The following CAMSAP1 variants were observed in gnomAD, a reference collection of about 807,000 sequenced individuals.
CAMSAP1 encodes the protein calmodulin regulated spectrin associated protein 1, also known as calmodulin-regulated spectrin-associated protein 1.
A neutral mutation model predicts 143.5 loss-of-function variants in CAMSAP1; 58 were observed. That is an observed-to-expected ratio of 0.40 (90% CI 0.33 to 0.50). The LOEUF (loss-of-function observed/expected upper bound fraction) is 0.50. Ranked by LOEUF, CAMSAP1 falls within the 20% of genes least tolerant of loss-of-function variation. The pLI, the probability that CAMSAP1 is intolerant of heterozygous loss-of-function variation, is 0.45. For missense variants in CAMSAP1, 1,969 were observed against 2,115.7 expected, an observed-to-expected ratio of 0.93 and a Z score of 1.36; for synonymous variants, 945 against 859.3, an observed-to-expected ratio of 1.10 and a Z score of -1.74.
chr9:135,902,316 T>G (rs942198166), intron 1 of CAMSAP1, among the ~76,000 whole-genome samples: 1 of 152,246 alleles, frequency 6.6e-6, no homozygotes, highest in African/African-American at 2.4e-5. Context: ...TTCAGAAATG[T>G]GGCAATGTGC....
chr9:135,865,394 G>A lies in CAMSAP1; in HGVS notation c.666+1062C>T, dbSNP rs1227126632. 15 of 1,550,270 alleles carry A rather than the reference G, an allele frequency of 9.7e-6. No homozygotes were observed. In the South Asian group the frequency reaches 1.1e-4, roughly 11 times the overall value. On this transcript the variant is annotated intron_variant, in intron 4 of 16. Transcript: ENST00000389532. ...TCAGGAAGCGAGAGAAGGAAGGCAG[G>A]AGAGGAGCATCAGCAGAGCAGGTCC...
intron 1 of CAMSAP1, among the ~76,000 whole-genome samples, chr9:135,886,036 C>T (rs932751634): frequency 1.3e-5 from 2 of 150,026 alleles, no homozygotes; most frequent in African/African-American, 2.5e-5. Flanking sequence ...GAACGTTTAA[C>T]GTTCTATCAA....
chr9:135,814,947 C>G, intron 16 of CAMSAP1, 150 bp downstream of exon 16: 1 of 636,488 alleles, frequency 1.6e-6, no homozygotes, highest in South Asian at 2.0e-5. Flanking sequence ...TCACTCCCAC[C>G]TGCCTGGAAC....
intron 3 of CAMSAP1, among the ~76,000 whole-genome samples, chr9:135,875,584 A>C (rs764550332): frequency 1.2e-4 from 18 of 152,236 alleles, no homozygotes; most frequent in Non-Finnish European, 8.8e-5. Flanking sequence ...TATTCCTATA[A>C]ACCAGACACA....
intron 11 of CAMSAP1, among the ~76,000 whole-genome samples, chr9:135,819,729 C>G (rs1283674266): frequency 6.6e-6 from 1 of 150,818 alleles, no homozygotes; most frequent in East Asian, 1.9e-4. Context: ...CGCCTGTAAT[C>G]CCAGCTACTC....
rs139848081 is a variant in CAMSAP1, at chr9:135,860,322, G to C, written c.808+2145C>G. Among the ~76,000 whole-genome samples, 787 of 152,130 alleles carry C rather than the reference G, an allele frequency of 5.2e-3. 6 individuals carry two copies. Among genetic ancestry groups the C allele is most frequent in the African/African-American group, 0.018 (758 of 41,500 alleles). On this transcript the variant is annotated intron_variant, in intron 5 of 16. Transcript: ENST00000389532. ...ACATAAAAGAAGGTCCCATGGCCAG[G>C]CGCGGTGGCTCACACCTGTAATCCC... is the stretch of plus-strand genomic sequence containing the variant.
intron 1 of CAMSAP1, among the ~76,000 whole-genome samples, chr9:135,897,044 T>TTACTCA (rs1306016761): frequency 6.6e-6 from 1 of 152,132 alleles, no homozygotes; most frequent in Non-Finnish European, 1.5e-5. Context: ...CATTTATAAA[T>TTACTCA]TACTCAAAAG....
chr9:135,876,326 A>G (rs1837746567), intron 3 of CAMSAP1, among the ~76,000 whole-genome samples: 1 of 152,214 alleles, frequency 6.6e-6, no homozygotes, highest in South Asian at 2.1e-4. Context: ...TTCATGATAC[A>G]TACATCTGAC....
chr9:135,897,956 A>G (rs1436205794), intron 1 of CAMSAP1, among the ~76,000 whole-genome samples: 1 of 152,222 alleles, frequency 6.6e-6, no homozygotes, highest in Non-Finnish European at 1.5e-5. Flanking sequence ...GAAATTTTTA[A>G]AAAATACCTA....
chr9:135,816,872 G>A (rs147062476), intron 14 of CAMSAP1, among the ~76,000 whole-genome samples: 5 of 152,304 alleles, frequency 3.3e-5, no homozygotes, highest in African/African-American at 7.2e-5. Flanking sequence ...AAGCCCCTGC[G>A]GGACAGTTCC....
Position 135,854,802 on chromosome 9 carries a change from G to A in CAMSAP1, c.809-4341C>T, listed in dbSNP as rs534466161. ...TTATTTTAGGTTTGGGAGGGTACACGTGAAGCCTTGTTACATAGGTAACCT... is the reference window on the plus strand; with the variant it reads ...TTATTTTAGGTTTGGGAGGGTACACATGAAGCCTTGTTACATAGGTAACCT... On this transcript the variant is annotated intron_variant, in intron 5 of 16. Transcript: ENST00000389532. Among the ~76,000 whole-genome samples the A allele has an allele frequency of 7.2e-5, 11 of 152,238 alleles. 1 individual carries two copies. The South Asian group carries it at 1.9e-3, about 26-fold the overall frequency.
intron 1 of CAMSAP1, among the ~76,000 whole-genome samples, chr9:135,898,526 TAACTC>T (rs1312229026): frequency 6.6e-6 from 1 of 152,050 alleles, no homozygotes; most frequent in Non-Finnish European, 1.5e-5. Context: ...TATACACAAT[TAACTC>T]AAAACTAAAA....
At chr9:135,834,890 T>A (rs1242025300) in intron 7 of CAMSAP1, among the ~76,000 whole-genome samples, 2 of 152,152 alleles carry the variant, frequency 1.3e-5, no homozygotes, top group Non-Finnish European at 2.9e-5. Flanking sequence ...TAATCTTCAA[T>A]AGGACCTGCC....
rs192949787 is a variant in CAMSAP1, at chr9:135,896,224, C to T, written c.160+10776G>A. On this transcript the variant is annotated intron_variant, in intron 1 of 16. Coordinates refer to ENST00000389532, the MANE Select transcript of CAMSAP1 (RefSeq NM_015447.4). ...AAACTAAAAGGAGGGAAAAAAGATA[C>T]GCCATTCAAACACTTTTTTAAAAAA... 6.3e-3 allele frequency among the ~76,000 whole-genome samples: 957 copies of T among 151,908 alleles called. 5 individuals carry two copies. The highest frequency in any genetic ancestry group is 0.021 in the African/African-American group (890 of 41,462).
intron 3 of CAMSAP1, among the ~76,000 whole-genome samples, chr9:135,868,295 C>T (rs929435498): frequency 5.3e-5 from 8 of 152,144 alleles, no homozygotes; most frequent in Non-Finnish European, 1.2e-4. Flanking sequence ...GGTCAGCAGG[C>T]ACAAAGCACC....
chr9:135,902,931 C>T (rs1838660884), intron 1 of CAMSAP1, among the ~76,000 whole-genome samples: 1 of 152,208 alleles, frequency 6.6e-6, no homozygotes, highest in Admixed American at 6.5e-5. Context: ...GCTCTGCAAG[C>T]AAAAGGAAAA....
At chr9:135,847,950 G>GGGAGGGGGGCAGGGAAGGGGTA (rs1367742542) in intron 7 of CAMSAP1, among the ~76,000 whole-genome samples, 1 of 49,470 alleles carries the variant, frequency 2.0e-5, no homozygotes, top group East Asian at 6.8e-4. Context: ...TGGGAGTGGG[G>GGGAGGGGGGCAGGGAAGGGGTA]GGGGAGGGGG....
In CAMSAP1 at chr9:135,821,096, T is replaced by C; in HGVS notation, c.3565A>G (p.Asn1189Asp). The change falls in exon 11 of 17, where the codon AAC becomes GAC. Residue 1189 changes from asparagine (N) to aspartate (D), a missense_variant. Asn to Asp is a conservative substitution (Grantham distance 23). Transcript: ENST00000389532. The surrounding 1 kb of genome is among the most constrained non-coding windows in gnomAD (Gnocchi z 4.6). ...TLTLSSSKDA[N>D]ILSEQMSLKE... ...AGGCTCATCTGCTCCGAAAGAATGT[T>C]GGCATCTTTGGAAGAGGACAGAGTA... 6.2e-7 allele frequency: 1 copy of C among 1,613,944 alleles called. No individual in the cohort carries two copies. Among genetic ancestry groups the C allele is most frequent in the South Asian group, 1.1e-5 (1 of 91,086 alleles).
chr9:135,843,447 T>C (rs553123177), intron 7 of CAMSAP1, among the ~76,000 whole-genome samples: 1 of 152,068 alleles, frequency 6.6e-6, no homozygotes, highest in Non-Finnish European at 1.5e-5. Context: ...TGGAGGAACA[T>C]TTACCAAGCA....
Sources: allele counts gnomAD v4.1 joint callset (sites outside exome capture counted in the v4.1 genomes callset), GRCh38; gene constraint gnomAD v4.1.1; non-coding constraint Gnocchi (gnomAD v3.1); transcripts MANE v1.5; gene names NCBI Gene and HGNC (gene_info 2026-07-23, HGNC 2026-07-21).